PTBP3: variants seen among roughly 807,000 people sequenced by gnomAD.
PTBP3 encodes polypyrimidine tract-binding protein 3.
Under a neutral mutation model 58.7 loss-of-function variants are expected in PTBP3, and 20 were observed. The ratio of observed to expected loss-of-function variants is 0.34; its 90% confidence interval spans 0.24 to 0.50. The LOEUF is 0.50. PTBP3 is among the 20% of genes least tolerant of loss of function. The pLI is 0.98. For synonymous variants in PTBP3, 185 were observed against 219.8 expected, an observed-to-expected ratio of 0.84 and a Z score of 1.40; for missense variants, 509 against 637.2, an observed-to-expected ratio of 0.80 and a Z score of 2.17.
In PTBP3 at chr9:112,297,127, T is replaced by C. The variant is rs1271192459; in HGVS notation, c.34+705A>G. On this transcript the variant is annotated intron_variant, in intron 2 of 13. Transcript: ENST00000374257. ...TATTTTAAAATCACGTGGTACCTTATGGTACGTAAATTACTTCAATTTTTA... is the reference window on the plus strand; with the variant it reads ...TATTTTAAAATCACGTGGTACCTTACGGTACGTAAATTACTTCAATTTTTA... 2.0e-5 allele frequency among the ~76,000 whole-genome samples: 3 copies of C among 152,242 alleles called. No individual in the cohort carries two copies. In the East Asian group the frequency reaches 5.8e-4, roughly 29 times the overall value.
the PTBP3 span, among the ~76,000 whole-genome samples, chr9:112,376,198 C>CGTGTGTGTGT: frequency 1.2e-3 from 5 of 4,088 alleles, no homozygotes; most frequent in African/African-American, 7.1e-3. Flanking sequence ...TCCTTATATA[C>CGTGTGTGTGT]GTGTGTGTGT....
At chr9:112,328,902 G>A (rs1105087) in intron 1 of PTBP3, among the ~76,000 whole-genome samples, 1,903 of 152,020 alleles carry the variant, frequency 0.013, 36 homozygotes, top group African/African-American at 0.043. Context: ...CAAAGTGGTG[G>A]AACAAATTTA....
intron 2 of PTBP3, among the ~76,000 whole-genome samples, chr9:112,283,004 C>G (rs1312428586): frequency 6.6e-6 from 1 of 152,230 alleles, no homozygotes; most frequent in Non-Finnish European, 1.5e-5. Flanking sequence ...TTCACACTCA[C>G]TCTAACCTGC....
chr9:112,241,721 T>G (rs1192226025), intron 7 of PTBP3, among the ~76,000 whole-genome samples: 1 of 152,220 alleles, frequency 6.6e-6, no homozygotes, highest in East Asian at 1.9e-4. Flanking sequence ...GACTGTATAT[T>G]TAAAGCATGT....
chr9:112,317,971 T>C (rs568068508), intron 1 of PTBP3, among the ~76,000 whole-genome samples: 1 of 152,204 alleles, frequency 6.6e-6, no homozygotes, highest in South Asian at 2.1e-4. Context: ...AAATCCATTA[T>C]GAACAACTTT....
the PTBP3 span, among the ~76,000 whole-genome samples, chr9:112,371,230 A>C: frequency 0.083 from 12,638 of 152,188 alleles, 1,207 homozygotes; most frequent in African/African-American, 0.23. Flanking sequence ...TAATCATATG[A>C]ATCATTTCCT....
Position 112,224,215 on chromosome 9 carries a change from GA to G in PTBP3, c.1365-6del. 1 of 1,522,930 alleles carries G rather than the reference GA, an allele frequency of 6.6e-7. No homozygotes were observed. The highest frequency in any genetic ancestry group is 8.8e-7 in the Non-Finnish European group (1 of 1,138,768). The allele number at this position is 1,522,930 out of a possible 1,614,324, so 94.3% of individuals were successfully genotyped here. A position where few individuals can be genotyped will look rare whatever the true frequency, so the allele number is the denominator to read the frequency against. ...TCATCCACTGTAACAGAAGGGCTGT[GA>G]AAACATCAGAGGGAGTCAACTACCT... On this transcript the variant is annotated splice_polypyrimidine_tract_variant and splice_region_variant and intron_variant, in intron 12 of 13. Transcript: ENST00000374257.
chr9:112,231,299 A>G (rs539208163), intron 10 of PTBP3, 81 bp downstream of exon 10: 2 of 1,173,758 alleles, frequency 1.7e-6, no homozygotes, highest in Non-Finnish European at 2.4e-6. Flanking sequence ...ACACAGAAGT[A>G]ATCAATACAT....
rs7875114 is a variant in PTBP3 at position 112,232,021 on chromosome 9, A to G, written c.1020+78T>C. On this transcript the variant is annotated intron_variant, in intron 9 of 13. Coordinates refer to ENST00000374257, the MANE Select transcript of PTBP3 (RefSeq NM_001163788.4). ...GAAGAGAAGAGAAGAGAAGAGAAGA[A>G]AAGAAAAGAAAGAAAGAAAAAAGTG... 2,215 of 301,060 alleles carry G rather than the reference A, an allele frequency of 7.4e-3. 167 individuals are homozygous for G. Among genetic ancestry groups the G allele is most frequent in the Non-Finnish European group, 8.7e-3 (2,002 of 229,942 alleles). The allele number at this position is 301,060 out of a possible 1,614,324, so 18.6% of individuals were successfully genotyped here. A position where few individuals can be genotyped will look rare whatever the true frequency, so the allele number is the denominator to read the frequency against.
chr9:112,282,475 TTTTTC>T (rs1827913344), intron 2 of PTBP3, among the ~76,000 whole-genome samples: 1 of 152,134 alleles, frequency 6.6e-6, no homozygotes, highest in Non-Finnish European at 1.5e-5. Flanking sequence ...CTTTAGACAT[TTTTTC>T]TTTTCTAATA....
At chr9:112,231,618 C>T (rs111723966) in intron 9 of PTBP3, among the ~76,000 whole-genome samples, 115 of 152,034 alleles carry the variant, frequency 7.6e-4, no homozygotes, top group African/African-American at 2.6e-3. Flanking sequence ...TCAGAAGCTA[C>T]CATGGCTAGG....
Position 112,290,601 on chromosome 9 carries a change from G to A in PTBP3, c.34+7231C>T, listed in dbSNP as rs934611266. On this transcript the variant is annotated intron_variant, in intron 2 of 13. Transcript: ENST00000374257. ...GCACATGAATCGCTTGAACCCAGGA[G>A]GCGGAGGTTGCAGTGAGCCGAGACC... is the stretch of plus-strand genomic sequence containing the variant. Among the ~76,000 whole-genome samples, 7 of 150,870 alleles carry A rather than the reference G, an allele frequency of 4.6e-5. 1 individual carries two copies. The highest frequency in any genetic ancestry group is 1.7e-4 in the African/African-American group (7 of 40,972).
At chr9:112,277,882 G>GTAACGTAACA (rs1827679112) in intron 2 of PTBP3, among the ~76,000 whole-genome samples, 1 of 130,132 alleles carries the variant, frequency 7.7e-6, no homozygotes, top group Non-Finnish European at 1.6e-5. Flanking sequence ...TCAAAATAAC[G>GTAACGTAACA]TAACATAACA....
At chr9:112,312,491 T>TTTG (rs1554804136) in intron 1 of PTBP3, among the ~76,000 whole-genome samples, 9 of 146,766 alleles carry the variant, frequency 6.1e-5, no homozygotes, top group Admixed American at 2.0e-4. Flanking sequence ...TTTTTTTGTT[T>TTTG]TTTTTTTTTA....
chr9:112,221,347 C>T lies in PTBP3; in HGVS notation c.*2504G>A. The stretch of plus-strand genomic sequence containing the variant: ...AAGGATTCAAATGTTCTCTCTCAGA[C>T]TTAAAAGGCCATTCCCTACTTCAAA... On this transcript the variant is annotated 3_prime_UTR_variant, in exon 14 of 14. Coordinates refer to ENST00000374257, the MANE Select transcript of PTBP3 (RefSeq NM_001163788.4). The T allele has an allele frequency of 2.0e-6, 2 of 985,822 alleles. No individual in the cohort carries two copies. The highest frequency in any genetic ancestry group is 4.7e-5 in the South Asian group (1 of 21,286). The allele number at this position is 985,822 out of a possible 1,614,324, so 61.1% of individuals were successfully genotyped here.
At chr9:112,293,734 A>G (rs894942224) in intron 2 of PTBP3, among the ~76,000 whole-genome samples, 5 of 152,194 alleles carry the variant, frequency 3.3e-5, no homozygotes, top group African/African-American at 1.2e-4. Flanking sequence ...CCCAAGATGG[A>G]GGAAAAAGTT....
At chr9:112,358,938 G>C in the PTBP3 span, among the ~76,000 whole-genome samples, 1 of 152,102 alleles carries the variant, frequency 6.6e-6, no homozygotes, top group Admixed American at 6.5e-5. Context: ...GGGCTCAAGC[G>C]ATCCTCCCAC....
intron 8 of PTBP3, among the ~76,000 whole-genome samples, chr9:112,232,557 A>G (rs1457652380): frequency 6.6e-6 from 1 of 152,180 alleles, no homozygotes; most frequent in Non-Finnish European, 1.5e-5. Context: ...CTTACAATAG[A>G]TATATCCTAA....
chr9:112,229,289 C>A (rs943759032), intron 10 of PTBP3, among the ~76,000 whole-genome samples: 1 of 152,072 alleles, frequency 6.6e-6, no homozygotes, highest in Non-Finnish European at 1.5e-5. Context: ...TTCAGCAGGG[C>A]ACAGTGGCTC....
Sources: allele counts gnomAD v4.1 joint callset (sites outside exome capture counted in the v4.1 genomes callset), GRCh38; gene constraint gnomAD v4.1.1; transcripts MANE v1.5; gene names NCBI Gene and HGNC (gene_info 2026-07-23, HGNC 2026-07-21).